The following RPGRIP1 variants were observed in gnomAD, a reference collection of about 807,000 sequenced individuals.
RPGRIP1 encodes RPGR interacting protein 1.
A neutral mutation model predicts 157.9 loss-of-function variants in RPGRIP1; 128 were observed. That is an observed-to-expected ratio of 0.81 (90% confidence interval 0.70 to 0.94). The LOEUF is 0.94. RPGRIP1 is among the 40% of genes least tolerant of loss of function. The probability of loss-of-function intolerance (pLI) is 0.00; values close to 1 mark genes in which losing one functional copy is unlikely to be tolerated. For missense variants in RPGRIP1, 1,486 were observed against 1,545.8 expected (o/e 0.96, Z 0.65); for synonymous variants, 554 against 571.6 (o/e 0.97, Z 0.44).
chr14:21,348,898 T>C (rs1038047725), intron 24 of RPGRIP1, among the ~76,000 whole-genome samples: 2 of 151,714 alleles, frequency 1.3e-5, no homozygotes, highest in Non-Finnish European at 2.9e-5. Flanking sequence ...TGACCTCAAG[T>C]GATCTGCTTG....
chr14:21,296,420 G>A (rs2139148323), intron 3 of RPGRIP1, among the ~76,000 whole-genome samples: 1 of 151,596 alleles, frequency 6.6e-6, no homozygotes, highest in South Asian at 2.1e-4. Flanking sequence ...CACCCTGTTG[G>A]CCACGGTAGT....
At chr14:21,321,492 CA>C in intron 13 of RPGRIP1, 90 bp downstream of exon 13, 2 of 1,524,634 alleles carry the variant, frequency 1.3e-6, no homozygotes, top group Non-Finnish European at 1.8e-6. Flanking sequence ...CCTAAGTTTC[CA>C]GGGCTGATAC....
chr14:21,330,523 G>A lies in RPGRIP1; in HGVS notation c.3238+136G>A, dbSNP rs745451906. On this transcript the variant is annotated intron_variant, in intron 20 of 24. Coordinates refer to ENST00000400017, the MANE Select transcript of RPGRIP1 (RefSeq NM_020366.4). ...TCTACTAAAAATACAAAAATTAGCC[G>A]GGTATGGTGGCAGGCGCCTGTAATC... 6.1e-4 allele frequency: 340 copies of A among 553,148 alleles called. 1 individual carries two copies. The highest frequency in any genetic ancestry group is 2.0e-3 in the Middle Eastern group (4 of 2,038). 34.3% of individuals were successfully genotyped at this position (553,148 alleles called of 1,614,324 possible).
Position 21,280,102 on chromosome 14 carries a change from G to A in RPGRIP1, c.-96G>A, listed in dbSNP as rs1378327753. 6.6e-6 allele frequency among the ~76,000 whole-genome samples: 1 copy of A among 152,126 alleles called. No homozygotes were observed. The highest frequency in any genetic ancestry group is 1.5e-5 in the Non-Finnish European group (1 of 68,028). On this transcript the variant is annotated 5_prime_UTR_variant, in exon 1 of 25. Transcript: ENST00000400017. ...CTTATTGGAACCTAGAGTACTAAAG[G>A]ACACCAGAACATTGAGAGAAAAGAA... is the stretch of plus-strand genomic sequence containing the variant.
intron 20 of RPGRIP1, among the ~76,000 whole-genome samples, chr14:21,333,015 G>A (rs1486451925): frequency 2.0e-5 from 3 of 152,276 alleles, no homozygotes; most frequent in South Asian, 2.1e-4. Flanking sequence ...CAGGAGAATC[G>A]CTTGAACCTG....
Position 21,317,899 on chromosome 14 carries a change from T to A in RPGRIP1, c.1306+49T>A. On this transcript the variant is annotated intron_variant, in intron 11 of 24. Transcript: ENST00000400017. ...TCTCAAATGTGGCATCCTCTACCTC[T>A]GGTTTGGGAGAAGATAACTTGAGCC... 4 of 1,492,034 alleles carry A rather than the reference T, an allele frequency of 2.7e-6. No individual in the cohort carries two copies. The South Asian group carries it at 4.9e-5, about 18-fold the overall frequency. The allele number at this position is 1,492,034 out of a possible 1,614,324, so 92.4% of individuals were successfully genotyped here.
intron 3 of RPGRIP1, among the ~76,000 whole-genome samples, chr14:21,295,603 C>T (rs2139146741): frequency 6.6e-6 from 1 of 151,782 alleles, no homozygotes; most frequent in Admixed American, 6.6e-5. Context: ...CCTGCCTCAG[C>T]CTCCCAAGTA....
intron 10 of RPGRIP1, among the ~76,000 whole-genome samples, chr14:21,317,111 T>C (rs1594190535): frequency 1.3e-5 from 2 of 151,388 alleles, no homozygotes; most frequent in East Asian, 1.9e-4. Context: ...CAGCTCGAGA[T>C]TCTGTCTCAA....
At chr14:21,331,391 A>G (rs889267157) in intron 20 of RPGRIP1, among the ~76,000 whole-genome samples, 1 of 151,954 alleles carries the variant, frequency 6.6e-6, no homozygotes, top group Non-Finnish European at 1.5e-5. Context: ...GCATGGTGGC[A>G]TCTGCCTGTA....
At chr14:21,282,046 G>T (rs931958993) in intron 1 of RPGRIP1, among the ~76,000 whole-genome samples, 1 of 152,106 alleles carries the variant, frequency 6.6e-6, no homozygotes, top group African/African-American at 2.4e-5. Context: ...AGTAAACTGA[G>T]ATTGCAACAT....
Position 21,343,201 on chromosome 14 carries a change from G to C in RPGRIP1, c.3505G>C (p.Glu1169Gln), listed in dbSNP as rs201191634. The C allele has an allele frequency of 3.0e-5, 48 of 1,612,722 alleles. No individual in the cohort carries two copies. In the African/African-American group the frequency reaches 4.9e-4, roughly 17 times the overall value. Residue 1169 changes from glutamate (E) to glutamine (Q), a missense_variant, in exon 22 of 25, where the codon GAA (glutamate) becomes CAA (glutamine). Glu to Gln is a conservative substitution (Grantham distance 29, BLOSUM62 2). Transcript: ENST00000400017. Reference protein sequence around the residue: ...PVSLRKPRAGEEIHFHFSKVI... With the variant: ...PVSLRKPRAGQEIHFHFSKVI... ...GTCCCTAAGGAAGCCTAGGGCAGGAGAAGAAATCCACTTTCACTTTAGCAA... is the reference window on the plus strand; with the variant it reads ...GTCCCTAAGGAAGCCTAGGGCAGGACAAGAAATCCACTTTCACTTTAGCAA...
At chr14:21,335,404 T>C (rs1044934045) in intron 21 of RPGRIP1, among the ~76,000 whole-genome samples, 7 of 152,118 alleles carry the variant, frequency 4.6e-5, no homozygotes, top group African/African-American at 1.7e-4. Context: ...GAGGACAGGA[T>C]TCTTCATGGG....
At chr14:21,288,390 A>C (rs1421667744) in intron 2 of RPGRIP1, among the ~76,000 whole-genome samples, 1 of 151,970 alleles carries the variant, frequency 6.6e-6, no homozygotes, top group Admixed American at 6.6e-5. Flanking sequence ...CATGATGGCC[A>C]GGCTGGTCTC....
chr14:21,313,776 A>T (rs1332667327), intron 10 of RPGRIP1, among the ~76,000 whole-genome samples: 1 of 147,906 alleles, frequency 6.8e-6, no homozygotes, highest in East Asian at 1.9e-4. Flanking sequence ...TGGCACAGCA[A>T]GACTTCCTCT....
At chr14:21,315,853 C>T (rs2139182868) in intron 10 of RPGRIP1, among the ~76,000 whole-genome samples, 1 of 150,184 alleles carries the variant, frequency 6.7e-6, no homozygotes, top group East Asian at 2.0e-4. Flanking sequence ...GGGTAGAGTG[C>T]ACTGGTGTGA....
intron 2 of RPGRIP1, among the ~76,000 whole-genome samples, chr14:21,293,607 G>T (rs543367479): frequency 6.6e-6 from 1 of 151,908 alleles, no homozygotes; most frequent in Non-Finnish European, 1.5e-5. Flanking sequence ...AGCTGGGCAC[G>T]GTGGCTCACA....
intron 21 of RPGRIP1, among the ~76,000 whole-genome samples, chr14:21,341,523 G>A (rs1170541266): frequency 1.3e-5 from 2 of 152,148 alleles, no homozygotes; most frequent in East Asian, 1.9e-4. Flanking sequence ...GAAGCATACA[G>A]GAGGGCACTC....
At chr14:21,282,565 G>A (rs1880169639) in intron 1 of RPGRIP1, among the ~76,000 whole-genome samples, 1 of 145,564 alleles carries the variant, frequency 6.9e-6, no homozygotes, top group Non-Finnish European at 1.5e-5. Context: ...ATCCTGTTGA[G>A]TTCAAAACAA....
intron 3 of RPGRIP1, among the ~76,000 whole-genome samples, chr14:21,299,601 C>T (rs759506421): frequency 2.9e-4 from 44 of 152,100 alleles, no homozygotes; most frequent in Non-Finnish European, 5.0e-4. Context: ...TATATATAAG[C>T]TTATTAATCC....
Sources: allele counts gnomAD v4.1 joint callset (sites outside exome capture counted in the v4.1 genomes callset), GRCh38; gene constraint gnomAD v4.1.1; transcripts MANE v1.5; gene names NCBI Gene and HGNC (gene_info 2026-07-23, HGNC 2026-07-21).